The following ROBO2 variants were observed in gnomAD, a reference collection of about 807,000 sequenced individuals.
ROBO2 encodes the protein roundabout homolog 2.
A neutral mutation model predicts 160.8 loss-of-function variants in ROBO2; 53 were observed. That is an observed-to-expected ratio of 0.33 (90% confidence interval 0.26 to 0.41). The LOEUF (loss-of-function observed/expected upper bound fraction) is 0.41. Ranked by LOEUF, ROBO2 falls within the 10% of genes least tolerant of loss-of-function variation. ROBO2 has a pLI of 1.00. For synonymous variants in ROBO2, 664 were observed against 611.7 expected (o/e 1.09, Z -1.26); for missense variants, 1,577 against 1,722.4 (o/e 0.92, Z 1.49).
chr3:76,251,258 T>C (rs1349371700), intron 2 of ROBO2, among the ~76,000 whole-genome samples: 1 of 150,058 alleles, frequency 6.7e-6, no homozygotes, highest in African/African-American at 2.5e-5. Context: ...ATTAAAGAAG[T>C]AAAAAGAAAA....
At chr3:76,960,700 T>C (rs2079585787) in intron 2 of ROBO2, among the ~76,000 whole-genome samples, 1 of 152,162 alleles carries the variant, frequency 6.6e-6, no homozygotes, top group Non-Finnish European at 1.5e-5. Context: ...GATGTAAAAG[T>C]GACACATACT....
At chr3:77,198,003 A>G (rs531673014) in intron 2 of ROBO2, among the ~76,000 whole-genome samples, 1 of 152,224 alleles carries the variant, frequency 6.6e-6, no homozygotes, top group Non-Finnish European at 1.5e-5. Flanking sequence ...CCAGCTTCAC[A>G]GGGGCCAGAA....
intron 2 of ROBO2, among the ~76,000 whole-genome samples, chr3:77,182,937 G>T (rs548788842): frequency 6.6e-6 from 1 of 152,036 alleles, no homozygotes; most frequent in African/African-American, 2.4e-5. Flanking sequence ...TGTTTGGTAA[G>T]GTATTCTCCC....
In ROBO2 at chr3:77,563,479, CAG is replaced by C. The variant is rs1582969891; in HGVS notation, c.1682+153_1682+154del. 1.2e-5 allele frequency: 10 copies of C among 821,214 alleles called. No homozygotes were observed. The East Asian group carries it at 2.7e-4, about 22-fold the overall frequency. The allele number at this position is 821,214 out of a possible 1,614,324, so 50.9% of individuals were successfully genotyped here. ...TCTTCTCTCTGACTTTATTCAAGAA[CAG>C]AGTTAATTTTTTTTAGTTTACAACT... On this transcript the variant is annotated intron_variant, in intron 11 of 25. Transcript: ENST00000461745.
At chr3:77,070,125 C>T (rs991537647) in intron 1 of ROBO2, among the ~76,000 whole-genome samples, 1 of 152,090 alleles carries the variant, frequency 6.6e-6, no homozygotes, top group African/African-American at 2.4e-5. Flanking sequence ...TGCCAGCAAG[C>T]CCCCAGAAGC....
At chr3:77,070,125 C>G (rs991537647) in intron 1 of ROBO2, among the ~76,000 whole-genome samples, 1 of 152,090 alleles carries the variant, frequency 6.6e-6, no homozygotes, top group Non-Finnish European at 1.5e-5. Context: ...TGCCAGCAAG[C>G]CCCCAGAAGC....
At position 77,499,098 on chromosome 3, in the gene ROBO2, C is replaced by G. The variant is rs191254904; in HGVS notation, c.806+5716C>G. 2.6e-3 allele frequency among the ~76,000 whole-genome samples: 391 copies of G among 152,270 alleles called. 1 individual carries two copies. The highest frequency in any genetic ancestry group is 9.1e-3 in the African/African-American group (377 of 41,546). On this transcript the variant is annotated intron_variant, in intron 5 of 25. Transcript: ENST00000461745. ...ACTTCATGAGCAATGACTGTGGGAC[C>G]TTTTAATACAAATTACAATAACATA...
intron 2 of ROBO2, among the ~76,000 whole-genome samples, chr3:76,587,771 T>G (rs1329187020): frequency 6.6e-6 from 1 of 152,184 alleles, no homozygotes; most frequent in Non-Finnish European, 1.5e-5. Context: ...CAGAAAATAT[T>G]TTTCTCCAAG....
rs186770321 is a variant in ROBO2 at position 75,915,661 on chromosome 3, A to C, written c.-14+8701A>C. ...TCGAGCTGCATTCTGATAAGAAGGC[A>C]AGGCTAGAGGACTCATGTTGAGGTG... On this transcript the variant is annotated intron_variant, in intron 1 of 26. Coordinates refer to the ROBO2 transcript ENST00000487694. Among the ~76,000 whole-genome samples the C allele has an allele frequency of 5.2e-4, 79 of 152,288 alleles. No homozygotes were observed. The South Asian group carries it at 7.9e-3, about 15-fold the overall frequency.
chr3:77,345,131 A>G (rs374021429), intron 2 of ROBO2, among the ~76,000 whole-genome samples: 7 of 152,150 alleles, frequency 4.6e-5, no homozygotes, highest in South Asian at 2.1e-4. Context: ...AGCCAAAACT[A>G]CAGTTATCGA....
chr3:77,466,095 A>T (rs1402166623), intron 2 of ROBO2, among the ~76,000 whole-genome samples: 1 of 152,150 alleles, frequency 6.6e-6, no homozygotes, highest in Non-Finnish European at 1.5e-5. Context: ...TGGGATTGGG[A>T]TAGAGTAGAA....
intron 2 of ROBO2, among the ~76,000 whole-genome samples, chr3:76,949,878 A>G (rs762361493): frequency 7.9e-5 from 12 of 152,174 alleles, no homozygotes; most frequent in African/African-American, 2.9e-4. Context: ...TTTGTATTTA[A>G]TCTATCTATT....
chr3:77,646,009 A>C, intron 25 of ROBO2, 45 bp from the exon 28 acceptor site: 1 of 1,443,494 alleles, frequency 6.9e-7, no homozygotes, highest in Non-Finnish European at 9.6e-7. Context: ...AGAAAAGCAG[A>C]ATGCTTAATT....
At chr3:77,506,524 C>T (rs1229733201) in intron 5 of ROBO2, among the ~76,000 whole-genome samples, 3 of 152,046 alleles carry the variant, frequency 2.0e-5, no homozygotes, top group Admixed American at 2.0e-4. Flanking sequence ...TTTGCTTCCC[C>T]CATTTCCTGA....
At chr3:76,602,537 C>T (rs67914003) in intron 2 of ROBO2, among the ~76,000 whole-genome samples, 5,330 of 152,272 alleles carry the variant, frequency 0.035, 102 homozygotes, top group South Asian at 0.051. Flanking sequence ...TGGCAGCAGA[C>T]GAGAGAATGC....
chr3:77,619,386 C>T (rs1301882592), intron 22 of ROBO2, among the ~76,000 whole-genome samples: 1 of 152,152 alleles, frequency 6.6e-6, no homozygotes, highest in Non-Finnish European at 1.5e-5. Flanking sequence ...AAAGATTTTA[C>T]ACTCAAAGCT....
chr3:76,217,487 AC>A (rs1703630131), intron 2 of ROBO2, among the ~76,000 whole-genome samples: 1 of 152,232 alleles, frequency 6.6e-6, no homozygotes, highest in South Asian at 2.1e-4. Flanking sequence ...TGATATCACC[AC>A]CGATCCCACA....
At chr3:76,909,705 C>A (rs1180628676) in intron 2 of ROBO2, among the ~76,000 whole-genome samples, 1 of 152,158 alleles carries the variant, frequency 6.6e-6, no homozygotes, top group African/African-American at 2.4e-5. Context: ...GTACTTGTGT[C>A]TTATTCGACA....
chr3:76,594,673 G>A (rs2086628294), intron 2 of ROBO2, among the ~76,000 whole-genome samples: 1 of 151,858 alleles, frequency 6.6e-6, no homozygotes, highest in South Asian at 2.1e-4. Context: ...AAGGAAGAAT[G>A]GTGTTTAGTA....
Sources: gnomAD v4.1 joint callset for allele counts (sites outside exome capture counted in the v4.1 genomes callset) on GRCh38, gnomAD v4.1.1 for gene constraint, MANE v1.5 for transcripts, NCBI Gene and HGNC (gene_info 2026-07-23, HGNC 2026-07-21) for gene names.